Variants in CDIN1 observed in about 807,000 individuals in gnomAD.
CDIN1 encodes the protein CDAN1 interacting nuclease 1.
Under a neutral mutation model 45.3 loss-of-function variants are expected in CDIN1, and 33 were observed. The observed-to-expected ratio is 0.73, with a 90% CI of 0.55 to 0.97. The LOEUF (loss-of-function observed/expected upper bound fraction) is 0.97. Ranked by LOEUF, CDIN1 falls within the 50% of genes least tolerant of loss-of-function variation. The probability of loss-of-function intolerance (pLI) is 0.00; values close to 1 mark genes in which losing one functional copy is unlikely to be tolerated. For missense variants in CDIN1, 303 were observed against 339.4 expected (o/e 0.89, Z 0.84); for synonymous variants, 118 against 124.4 (o/e 0.95, Z 0.34).
intron 1 of CDIN1, among the ~76,000 whole-genome samples, chr15:36,594,633 A>G (rs2037731069): frequency 6.6e-6 from 1 of 152,098 alleles, no homozygotes; most frequent in Admixed American, 6.5e-5. Flanking sequence ...GAATATATCA[A>G]CCTTTTCTGA....
chr15:36,759,019 C>T (rs1362804752), intron 10 of CDIN1, among the ~76,000 whole-genome samples: 1 of 152,074 alleles, frequency 6.6e-6, no homozygotes, highest in Non-Finnish European at 1.5e-5. Context: ...TCCTCTTATG[C>T]CCAGTAAAAG....
intron 10 of CDIN1, among the ~76,000 whole-genome samples, chr15:36,718,110 A>T (rs934839519): frequency 1.3e-5 from 2 of 151,918 alleles, no homozygotes; most frequent in Non-Finnish European, 2.9e-5. Flanking sequence ...TGGTTCTAGA[A>T]CCCTTTTTTG....
chr15:36,640,647 G>A, intron 1 of CDIN1: 1 of 985,390 alleles, frequency 1.0e-6, no homozygotes, highest in Non-Finnish European at 1.2e-6. Flanking sequence ...AATACGTGAT[G>A]TCTTCTCTTA....
At chr15:36,672,752 A>G (rs1006608978) in intron 5 of CDIN1, among the ~76,000 whole-genome samples, 11 of 151,954 alleles carry the variant, frequency 7.2e-5, no homozygotes, top group African/African-American at 2.7e-4. Flanking sequence ...CACTTTGTCA[A>G]CTTAATGGTA....
At chr15:36,688,229 C>A (rs1487289474) in intron 5 of CDIN1, among the ~76,000 whole-genome samples, 1 of 151,412 alleles carries the variant, frequency 6.6e-6, no homozygotes, top group East Asian at 1.9e-4. Context: ...ATTAGTAAAA[C>A]TAACCTCTAG....
intron 1 of CDIN1, among the ~76,000 whole-genome samples, chr15:36,622,133 G>A (rs1219759479): frequency 6.6e-6 from 1 of 152,160 alleles, no homozygotes; most frequent in Non-Finnish European, 1.5e-5. Context: ...TCATCATGGT[G>A]TCACCTGCTT....
intron 10 of CDIN1, among the ~76,000 whole-genome samples, chr15:36,784,207 G>T (rs968269339): frequency 2.6e-5 from 4 of 151,988 alleles, no homozygotes; most frequent in African/African-American, 4.8e-5. Context: ...AACACTTACC[G>T]GCTTACAGGA....
At chr15:36,608,920 A>AAT (rs1372922213) in intron 1 of CDIN1, among the ~76,000 whole-genome samples, 2 of 152,112 alleles carry the variant, frequency 1.3e-5, no homozygotes, top group South Asian at 4.1e-4. Flanking sequence ...GTTATACACA[A>AAT]ATATATATAT....
intron 5 of CDIN1, among the ~76,000 whole-genome samples, chr15:36,658,888 A>T (rs2140472216): frequency 6.6e-6 from 1 of 152,290 alleles, no homozygotes; most frequent in South Asian, 2.1e-4. Flanking sequence ...TTTCATTTGA[A>T]TGAATTAAGT....
intron 10 of CDIN1, chr15:36,756,056 A>C (rs753064035): frequency 2.2e-6 from 1 of 455,990 alleles, no homozygotes; most frequent in Admixed American, 2.3e-5. Flanking sequence ...CCTTTATTCA[A>C]CAAATTCCTA....
At chr15:36,613,535 G>C in intron 1 of CDIN1, 2 of 1,528,226 alleles carry the variant, frequency 1.3e-6, no homozygotes, top group South Asian at 2.2e-5. Flanking sequence ...GCAGCAGGCA[G>C]ATGATGCAGA....
At chr15:36,688,584 A>G (rs1355667724) in intron 5 of CDIN1, among the ~76,000 whole-genome samples, 4 of 152,220 alleles carry the variant, frequency 2.6e-5, no homozygotes, top group Non-Finnish European at 5.9e-5. Context: ...AACAGAATGA[A>G]TGCCTCTACC....
At chr15:36,800,474 A>AT (rs1029108820) in intron 10 of CDIN1, among the ~76,000 whole-genome samples, 7 of 152,202 alleles carry the variant, frequency 4.6e-5, no homozygotes, top group Non-Finnish European at 8.8e-5. Flanking sequence ...ACACACAGGC[A>AT]TAAGTATACA....
At chr15:36,761,135 G>C (rs2053751139) in intron 10 of CDIN1, among the ~76,000 whole-genome samples, 1 of 152,142 alleles carries the variant, frequency 6.6e-6, no homozygotes, top group Non-Finnish European at 1.5e-5. Context: ...GTATGATAGA[G>C]ACCTTCAGTC....
intron 1 of CDIN1, chr15:36,618,066 G>C: frequency 1.3e-6 from 1 of 754,210 alleles, no homozygotes; most frequent in Non-Finnish European, 2.4e-6. Flanking sequence ...CCTCAGTCTT[G>C]GTCTCCAAAT....
At chr15:36,588,827 T>C (rs972388057) in intron 1 of CDIN1, among the ~76,000 whole-genome samples, 1 of 152,174 alleles carries the variant, frequency 6.6e-6, no homozygotes, top group African/African-American at 2.4e-5. Context: ...ATCTTTGCAT[T>C]GTGTAGCTGC....
intron 10 of CDIN1, among the ~76,000 whole-genome samples, chr15:36,732,208 C>G (rs540177389): frequency 6.6e-6 from 1 of 152,202 alleles, no homozygotes; most frequent in South Asian, 2.1e-4. Context: ...GCTGCACTTT[C>G]TTCAACAGTG....
At chr15:36,623,791 A>G (rs931737363) in intron 1 of CDIN1, among the ~76,000 whole-genome samples, 16 of 152,238 alleles carry the variant, frequency 1.1e-4, no homozygotes, top group Admixed American at 7.2e-4. Context: ...GTTGTTTGCA[A>G]CTAAGCATCT....
At chr15:36,596,408 C>T (rs2140211531) in intron 1 of CDIN1, among the ~76,000 whole-genome samples, 1 of 152,206 alleles carries the variant, frequency 6.6e-6, no homozygotes, top group Middle Eastern at 3.4e-3. Flanking sequence ...TGGTATACTA[C>T]TGTTGATTCT....
Sources: gnomAD v4.1 joint callset for allele counts (sites outside exome capture counted in the v4.1 genomes callset) on GRCh38, gnomAD v4.1.1 for gene constraint, MANE v1.5 for transcripts, NCBI Gene and HGNC (gene_info 2026-07-23, HGNC 2026-07-21) for gene names.